The following DACH1 variants were observed in gnomAD, a reference collection of about 807,000 sequenced individuals.
The protein encoded by DACH1 is dachshund homolog 1.
In DACH1, 12 loss-of-function variants were observed where a neutral mutation model predicts 54.2. That is an observed-to-expected ratio of 0.22 (90% CI 0.14 to 0.36). The LOEUF (loss-of-function observed/expected upper bound fraction) is 0.36, where lower values mean the gene tolerates loss of function less well. Ranked by LOEUF, DACH1 falls within the 10% of genes least tolerant of loss-of-function variation. DACH1 has a pLI of 1.00. For synonymous variants in DACH1, 386 were observed against 366.2 expected, an observed-to-expected ratio of 1.05 and a Z score of -0.62; for missense variants, 805 against 929.8, an observed-to-expected ratio of 0.87 and a Z score of 1.75.
intron 3 of DACH1, among the ~76,000 whole-genome samples, chr13:71,583,143 T>C (rs1478989965): frequency 6.6e-6 from 1 of 152,198 alleles, no homozygotes; most frequent in East Asian, 1.9e-4. Flanking sequence ...TCTAATTTAA[T>C]TATTGTAACC....
chr13:71,596,177 A>G (rs1003370653), intron 3 of DACH1, among the ~76,000 whole-genome samples: 3 of 152,042 alleles, frequency 2.0e-5, no homozygotes, highest in Non-Finnish European at 4.4e-5. Context: ...TTCATACTTC[A>G]TTTTTTAGGT....
At chr13:71,719,204 T>C (rs185356786) in intron 1 of DACH1, among the ~76,000 whole-genome samples, 1 of 152,334 alleles carries the variant, frequency 6.6e-6, no homozygotes, top group African/African-American at 2.4e-5. Flanking sequence ...AAGAGGCTCC[T>C]TCTTCTGTAT....
At chr13:71,471,742 ACT>A (rs1231828792) in intron 10 of DACH1, among the ~76,000 whole-genome samples, 4 of 151,444 alleles carry the variant, frequency 2.6e-5, no homozygotes, top group Non-Finnish European at 5.9e-5. Flanking sequence ...ACAGAGTGAG[ACT>A]CTGTCTCAAA....
chr13:71,790,791 A>T (rs2138093329), intron 1 of DACH1, among the ~76,000 whole-genome samples: 1 of 152,286 alleles, frequency 6.6e-6, no homozygotes, highest in Admixed American at 6.5e-5. Context: ...TGCAATGATT[A>T]TTTTTATTTC....
intron 2 of DACH1, among the ~76,000 whole-genome samples, chr13:71,673,250 TAAGA>T (rs1164688204): frequency 6.6e-6 from 1 of 152,020 alleles, no homozygotes; most frequent in Non-Finnish European, 1.5e-5. Context: ...CTCTAAGAGA[TAAGA>T]AAGAAATGAT....
At chr13:71,739,359 C>T (rs542622128) in intron 1 of DACH1, among the ~76,000 whole-genome samples, 1 of 152,170 alleles carries the variant, frequency 6.6e-6, no homozygotes, top group African/African-American at 2.4e-5. Flanking sequence ...TGTAGAATAG[C>T]ACTGTTCAAT....
chr13:71,630,473 C>A (rs1221977771), intron 3 of DACH1, 83 bp downstream of exon 3: 1 of 1,447,644 alleles, frequency 6.9e-7, no homozygotes, highest in Non-Finnish European at 9.1e-7. Flanking sequence ...GAATGGGTAG[C>A]CAACAGTTTT....
At chr13:71,725,737 A>G (rs1296060076) in intron 1 of DACH1, among the ~76,000 whole-genome samples, 2 of 152,154 alleles carry the variant, frequency 1.3e-5, no homozygotes, top group Admixed American at 1.3e-4. Flanking sequence ...AAATAAAACA[A>G]AAATGCAGGA....
intron 6 of DACH1, among the ~76,000 whole-genome samples, chr13:71,515,726 C>A (rs958763585): frequency 4.6e-5 from 7 of 151,852 alleles, no homozygotes; most frequent in African/African-American, 1.7e-4. Flanking sequence ...ATTTAGAATT[C>A]TAACCAGTTA....
intron 10 of DACH1, among the ~76,000 whole-genome samples, chr13:71,465,299 CA>C (rs1039416992): frequency 6.6e-6 from 1 of 151,910 alleles, no homozygotes; most frequent in African/African-American, 2.4e-5. Flanking sequence ...TTGTAATGAA[CA>C]GATTTAAAAT....
chr13:71,445,075 C>T (rs888470862), intron 10 of DACH1, among the ~76,000 whole-genome samples: 36 of 152,122 alleles, frequency 2.4e-4, no homozygotes, highest in African/African-American at 8.0e-4. Flanking sequence ...GCCTCCCCCA[C>T]GATAAGCCCC....
At chr13:71,535,285 C>T (rs1238659740) in intron 6 of DACH1, among the ~76,000 whole-genome samples, 2 of 151,896 alleles carry the variant, frequency 1.3e-5, no homozygotes, top group East Asian at 1.9e-4. Context: ...ATTAGACATA[C>T]TAATCGGTGT....
intron 1 of DACH1, among the ~76,000 whole-genome samples, chr13:71,846,792 C>T (rs1015277863): frequency 5.9e-5 from 9 of 152,182 alleles, no homozygotes; most frequent in Non-Finnish European, 1.0e-4. Flanking sequence ...CTGCTCTGAT[C>T]TTTAGTGCCC....
intron 1 of DACH1, among the ~76,000 whole-genome samples, chr13:71,699,509 G>A (rs1882003487): frequency 6.6e-6 from 1 of 152,192 alleles, no homozygotes; most frequent in Non-Finnish European, 1.5e-5. Flanking sequence ...CCTCTTTGGA[G>A]TAAAAGCACT....
chr13:71,522,353 C>CA (rs1027672556), intron 6 of DACH1, among the ~76,000 whole-genome samples: 1 of 151,874 alleles, frequency 6.6e-6, no homozygotes, highest in Non-Finnish European at 1.5e-5. Flanking sequence ...GATTATAAAT[C>CA]AAAAAAACCT....
intron 6 of DACH1, among the ~76,000 whole-genome samples, chr13:71,543,015 T>C (rs1883235420): frequency 6.6e-6 from 1 of 152,120 alleles, no homozygotes. Context: ...TGAAGATCCT[T>C]GAGGAACTGA....
At chr13:71,764,353 C>T (rs1885529449) in intron 1 of DACH1, among the ~76,000 whole-genome samples, 1 of 151,994 alleles carries the variant, frequency 6.6e-6, no homozygotes, top group Non-Finnish European at 1.5e-5. Flanking sequence ...TATGATAGTG[C>T]TTGTGAACAG....
chr13:71,454,105 T>C (rs974687611), intron 10 of DACH1, among the ~76,000 whole-genome samples: 2 of 152,142 alleles, frequency 1.3e-5, no homozygotes, highest in African/African-American at 4.8e-5. Flanking sequence ...AGGAAGAATA[T>C]GAGAATCAAT....
intron 1 of DACH1, among the ~76,000 whole-genome samples, chr13:71,834,145 G>A (rs914451798): frequency 1.8e-4 from 27 of 152,002 alleles, no homozygotes; most frequent in Admixed American, 8.5e-4. Context: ...TTAAAGTAGC[G>A]AAATATCCCT....
Sources: gnomAD v4.1 joint callset for allele counts (sites outside exome capture counted in the v4.1 genomes callset) on GRCh38, gnomAD v4.1.1 for gene constraint, MANE v1.5 for transcripts, NCBI Gene and HGNC (gene_info 2026-07-23, HGNC 2026-07-21) for gene names.